The following PC variants were observed in gnomAD, a reference collection of about 807,000 sequenced individuals.
PC encodes the protein pyruvate carboxylase, also known as pyruvate carboxylase, mitochondrial.
PC carries 46 observed loss-of-function variants against 107.8 expected under a neutral mutation model. The observed-to-expected ratio is 0.43, with a 90% CI of 0.34 to 0.55. PC has a LOEUF of 0.55. Among genes scored for constraint, PC ranks in the 20% least tolerant of loss-of-function variants. The probability of loss-of-function intolerance (pLI) is 0.04; values close to 1 mark genes in which losing one functional copy is unlikely to be tolerated. For synonymous variants in PC, 662 were observed against 684.7 expected (o/e 0.97, Z 0.52); for missense variants, 1,241 against 1,643.1 (o/e 0.76, Z 4.23).
intron 3 of PC, among the ~76,000 whole-genome samples, chr11:66,885,400 G>T (rs1174876580): frequency 6.7e-6 from 1 of 149,702 alleles, no homozygotes; most frequent in Non-Finnish European, 1.5e-5. Context: ...TGAGACAGGA[G>T]AATTTGCTTG....
chr11:66,915,420 CT>C (rs1478528133), intron 3 of PC, among the ~76,000 whole-genome samples: 3 of 152,252 alleles, frequency 2.0e-5, no homozygotes, highest in Admixed American at 6.5e-5. Flanking sequence ...CCAGTCCCCC[CT>C]GATGACAGGA....
chr11:66,886,868 C>T (rs533335273), intron 3 of PC, among the ~76,000 whole-genome samples: 8 of 152,248 alleles, frequency 5.3e-5, no homozygotes, highest in Non-Finnish European at 7.4e-5. Context: ...GCTCCAGAGA[C>T]GAAGGCAGGA....
chr11:66,912,684 A>G (rs1252012067), intron 3 of PC, among the ~76,000 whole-genome samples: 1 of 152,176 alleles, frequency 6.6e-6, no homozygotes, highest in East Asian at 1.9e-4. Flanking sequence ...TTTGATTCAC[A>G]GGATCCTTTT....
Position 66,857,844 on chromosome 11 carries a change from T to C in PC, c.1369-4461A>G. On this transcript the variant is annotated intron_variant, in intron 12 of 22. Transcript: ENST00000393960. This position sits in a 1 kb window ranked among gnomAD's most constrained non-coding sequence, Gnocchi z 7.1. ...CCTGTCCGAGTCGCTCAGCACCCTC[T>C]GTGCCCACCGAGGCCTGCTGTTTGT... 1 of 1,607,322 alleles carries C rather than the reference T, an allele frequency of 6.2e-7. No homozygotes were observed. Among genetic ancestry groups the C allele is most frequent in the South Asian group, 1.1e-5 (1 of 91,070 alleles).
In PC at chr11:66,871,369, C is replaced by T; in HGVS notation, c.433G>A (p.Val145Met). Residue 145 changes from valine (V) to methionine (M), a missense_variant, in exon 6 of 23, where the codon GTG becomes ATG. This residue lies in a region of PC where 1,143 missense variants were observed against 1,551.9 expected (regional missense o/e 0.74). Coordinates refer to ENST00000393960, the MANE Select transcript of PC (RefSeq NM_001040716.2). The surrounding 1 kb of genome is among the most constrained non-coding windows in gnomAD (Gnocchi z 7.4). ...GVRFIGPSPE[V>M]VRKMGDKVEA... ...ACCTTGTCTCCCATCTTGCGGACCA[C>T]TTCTGGGCTTGGCCCAATAAACCGG... 1 of 1,613,874 alleles carries T rather than the reference C, an allele frequency of 6.2e-7. No homozygotes were observed.
chr11:66,870,182 C>T lies in PC; in HGVS notation c.903+120G>A. Reference sequence around the variant, plus strand: ...CCAGGAGAGTCCTTCACCCTCTTCTCCCCATCCCCAGTCCCCAGAAGGGGA... The same window carrying T: ...CCAGGAGAGTCCTTCACCCTCTTCTTCCCATCCCCAGTCCCCAGAAGGGGA... On this transcript the variant is annotated intron_variant, in intron 9 of 22. Transcript: ENST00000393960. This position sits in a 1 kb window ranked among gnomAD's most constrained non-coding sequence, Gnocchi z 6.1. 8.0e-7 allele frequency: 1 copy of T among 1,256,964 alleles called. No homozygotes were observed. Among genetic ancestry groups the T allele is most frequent in the East Asian group, 2.4e-5 (1 of 41,470 alleles). 77.9% of individuals were successfully genotyped at this position (1,256,964 alleles called of 1,614,324 possible).
At chr11:66,886,205 A>AG (rs1035472112) in intron 3 of PC, among the ~76,000 whole-genome samples, 1 of 56,282 alleles carries the variant, frequency 1.8e-5, no homozygotes, top group African/African-American at 7.0e-5. Flanking sequence ...GAGGGGAGGG[A>AG]GGGGGGCAGG....
At chr11:66,865,783 T>C (rs961024689) in intron 11 of PC, among the ~76,000 whole-genome samples, 1 of 152,078 alleles carries the variant, frequency 6.6e-6, no homozygotes, top group Non-Finnish European at 1.5e-5. Flanking sequence ...CCCAGTCCTT[T>C]GCCACCCCCA....
chr11:66,852,311 T>C lies in PC; in HGVS notation c.1825+128A>G, dbSNP rs1565214806. The C allele has an allele frequency of 1.2e-6, 1 of 860,446 alleles. No homozygotes were observed. The highest frequency in any genetic ancestry group is 1.7e-5 in the African/African-American group (1 of 60,270). 53.3% of individuals were successfully genotyped at this position (860,446 alleles called of 1,614,324 possible). A position where few individuals can be genotyped will look rare whatever the true frequency, so the allele number is the denominator to read the frequency against. On this transcript the variant is annotated intron_variant, in intron 15 of 22. Transcript: ENST00000393960. The surrounding 1 kb of genome is among the most constrained non-coding windows in gnomAD (Gnocchi z 4.7). ...TGGCCGGAGAGGGCGCTGTGCCTTC[T>C]TCGGTCCTTCCTCTTTGGTGTTCTT...
At chr11:66,897,553 CAGAG>C (rs1166942672) in intron 3 of PC, among the ~76,000 whole-genome samples, 1 of 152,176 alleles carries the variant, frequency 6.6e-6, no homozygotes, top group East Asian at 1.9e-4. Flanking sequence ...GCCTGGGCGA[CAGAG>C]AGAGACCTGC....
chr11:66,877,746 A>G (rs1173367554), intron 3 of PC, among the ~76,000 whole-genome samples: 1 of 152,260 alleles, frequency 6.6e-6, no homozygotes, highest in Non-Finnish European at 1.5e-5. Context: ...CATTAACAAT[A>G]ATGTGTTTGC....
intron 3 of PC, among the ~76,000 whole-genome samples, chr11:66,882,316 G>A (rs1191994760): frequency 6.6e-6 from 1 of 152,204 alleles, no homozygotes; most frequent in African/African-American, 2.4e-5. Flanking sequence ...TGCTGCAGCT[G>A]AGGCCCCACA....
chr11:66,870,537 T>A lies in PC; in HGVS notation c.752-84A>T. ...CCCCATCACCCCCACATAACCACTG[T>A]CGCCAGTCAGTGCCGGCTGCCAGCG... On this transcript the variant is annotated intron_variant, in intron 8 of 22. Transcript: ENST00000393960. This position sits in a 1 kb window ranked among gnomAD's most constrained non-coding sequence, Gnocchi z 6.1. 2 of 1,490,870 alleles carry A rather than the reference T, an allele frequency of 1.3e-6. No homozygotes were observed. Among genetic ancestry groups the A allele is most frequent in the South Asian group, 2.3e-5 (2 of 87,562 alleles). 92.4% of individuals were successfully genotyped at this position (1,490,870 alleles called of 1,614,324 possible). A position where few individuals can be genotyped will look rare whatever the true frequency, so the allele number is the denominator to read the frequency against.
intron 12 of PC, among the ~76,000 whole-genome samples, chr11:66,855,057 G>C (rs984771696): frequency 6.6e-6 from 1 of 152,248 alleles, no homozygotes; most frequent in Non-Finnish European, 1.5e-5. Flanking sequence ...GAACCTGCAC[G>C]GGCAGGGCTG....
chr11:66,869,391 C>T (rs985897631), intron 9 of PC, among the ~76,000 whole-genome samples: 2 of 151,762 alleles, frequency 1.3e-5, no homozygotes, highest in East Asian at 3.9e-4. Context: ...GTCTACTGCG[C>T]AGTCACCTCT....
rs549348881 is a variant in PC, at chr11:66,866,393, G to A, written c.1023-44C>T. 1.6e-5 allele frequency: 22 copies of A among 1,416,868 alleles called. No individual in the cohort carries two copies. The African/African-American group carries it at 2.5e-4, about 16-fold the overall frequency. 87.8% of individuals were successfully genotyped at this position (1,416,868 alleles called of 1,614,324 possible). Reference sequence around the variant, plus strand: ...AGGGGGGAAAGGACGGGAGAAAGGGGGAAACATGAGGCGGGGGATAGACGA... The same window carrying A: ...AGGGGGGAAAGGACGGGAGAAAGGGAGAAACATGAGGCGGGGGATAGACGA... On this transcript the variant is annotated intron_variant, in intron 10 of 22. Transcript: ENST00000393960. The surrounding 1 kb of genome is among the most constrained non-coding windows in gnomAD (Gnocchi z 5.4).
intron 3 of PC, among the ~76,000 whole-genome samples, chr11:66,915,663 G>A (rs1002275398): frequency 3.3e-5 from 5 of 152,212 alleles, no homozygotes; most frequent in South Asian, 2.1e-4. Context: ...GGCCCTGCCC[G>A]CAGGGGGAGC....
chr11:66,910,676 C>T (rs914669812), intron 3 of PC, among the ~76,000 whole-genome samples: 8 of 152,316 alleles, frequency 5.3e-5, no homozygotes, highest in African/African-American at 1.7e-4. Flanking sequence ...GCAGGGGTCA[C>T]AGGGGCTAAG....
Position 66,903,869 on chromosome 11 carries a change from C to T in PC, c.1-31710G>A, listed in dbSNP as rs549372782. Among the ~76,000 whole-genome samples the T allele has an allele frequency of 2.0e-5, 3 of 146,972 alleles. No individual in the cohort carries two copies. The South Asian group carries it at 6.6e-4, about 32-fold the overall frequency. ...TAGAGACAGAGTCTCACTTCGTCAC[C>T]CAGGCTGGAGTACAACGGCACGATC... On this transcript the variant is annotated intron_variant, in intron 3 of 22. Coordinates refer to ENST00000393960, the MANE Select transcript of PC (RefSeq NM_001040716.2).
Sources: gnomAD v4.1 joint callset for allele counts (sites outside exome capture counted in the v4.1 genomes callset) on GRCh38, gnomAD v4.1.1 for gene constraint, gnomAD v4.1.1 regional missense constraint, Gnocchi (gnomAD v3.1) non-coding constraint, MANE v1.5 for transcripts, NCBI Gene and HGNC (gene_info 2026-07-23, HGNC 2026-07-21) for gene names.